Variants in ZNF420 observed in about 807,000 individuals in gnomAD.
The protein encoded by ZNF420 is ATM and p53-associated KZNF protein.
A neutral mutation model predicts 44.7 loss-of-function variants in ZNF420; 31 were observed. The observed-to-expected ratio is 0.69, with a 90% CI of 0.52 to 0.94. ZNF420 has a LOEUF of 0.94. ZNF420 is among the 40% of genes least tolerant of loss of function. The pLI is 0.00. For missense variants in ZNF420, 681 were observed against 827.9 expected, an observed-to-expected ratio of 0.82 and a Z score of 2.18; for synonymous variants, 245 against 267.4, an observed-to-expected ratio of 0.92 and a Z score of 0.82.
intron 1 of ZNF420, among the ~76,000 whole-genome samples, chr19:37,021,039 T>G (rs1293977218): frequency 6.6e-6 from 1 of 152,240 alleles, no homozygotes; most frequent in Non-Finnish European, 1.5e-5. Context: ...CACCAAATTT[T>G]ATGTGTATTT....
chr19:37,071,802 A>AAAC (rs1407972567), intron 1 of ZNF420, among the ~76,000 whole-genome samples: 1 of 113,020 alleles, frequency 8.8e-6, no homozygotes, highest in Non-Finnish European at 1.9e-5. Context: ...CTCCATCTCA[A>AAAC]AAAAATAAAT....
chr19:37,112,816 T>G (rs1012984939), intron 4 of ZNF420, among the ~76,000 whole-genome samples: 6 of 152,218 alleles, frequency 3.9e-5, no homozygotes, highest in Non-Finnish European at 1.5e-5. Flanking sequence ...AGTATGAATT[T>G]GAACTCCCTT....
At chr19:37,022,848 T>TGGGGCAGGGG (rs2074659680) in intron 1 of ZNF420, among the ~76,000 whole-genome samples, 1 of 152,094 alleles carries the variant, frequency 6.6e-6, no homozygotes, top group Non-Finnish European at 1.5e-5. Context: ...TTAAGATATG[T>TGGGGCAGGGG]AGCATGGGGG....
chr19:37,015,700 A>G (rs1030633167), intron 1 of ZNF420, among the ~76,000 whole-genome samples: 2 of 152,058 alleles, frequency 1.3e-5, no homozygotes, highest in African/African-American at 4.8e-5. Context: ...GCTGGTTCCA[A>G]CTCATTCTCC....
chr19:37,056,540 G>A (rs1967757590), intron 1 of ZNF420, among the ~76,000 whole-genome samples: 1 of 152,154 alleles, frequency 6.6e-6, no homozygotes, highest in African/African-American at 2.4e-5. Flanking sequence ...GAGCCCCAGG[G>A]CTTTGGGAAG....
chr19:37,115,830 A>G (rs1465942351), intron 4 of ZNF420, among the ~76,000 whole-genome samples: 1 of 152,084 alleles, frequency 6.6e-6, no homozygotes, highest in African/African-American at 2.4e-5. Context: ...AACCTTGGAC[A>G]ATACCTGGCT....
intron 1 of ZNF420, among the ~76,000 whole-genome samples, chr19:37,019,043 A>G (rs986998322): frequency 1.3e-5 from 2 of 152,230 alleles, no homozygotes; most frequent in South Asian, 4.1e-4. Context: ...AGTAAAAAAG[A>G]AGTGTGAATC....
intron 1 of ZNF420, among the ~76,000 whole-genome samples, chr19:37,066,434 C>T (rs376565931): frequency 7.1e-6 from 1 of 141,220 alleles, no homozygotes; most frequent in Non-Finnish European, 1.5e-5. Context: ...GAGTCTGTCT[C>T]AAAAAAAAAA....
exon 1 of ZNF420, chr19:37,008,071 G>A (rs374112673): frequency 3.8e-6 from 1 of 264,476 alleles, no homozygotes; most frequent in Admixed American, 4.9e-5. Flanking sequence ...GGCCTGCCCG[G>A]ACGGTGTGCG....
intron 4 of ZNF420, among the ~76,000 whole-genome samples, chr19:37,094,608 C>T (rs1322274080): frequency 6.6e-6 from 1 of 152,016 alleles, no homozygotes; most frequent in African/African-American, 2.4e-5. Flanking sequence ...CTATCTCCAC[C>T]CCTAGGATTT....
chr19:37,017,020 A>G (rs573050497), intron 1 of ZNF420, among the ~76,000 whole-genome samples: 5 of 152,304 alleles, frequency 3.3e-5, no homozygotes, highest in African/African-American at 1.2e-4. Flanking sequence ...AATTCTTACT[A>G]TTGTGGGGGG....
At chr19:37,071,496 G>A (rs541045538) in intron 1 of ZNF420, among the ~76,000 whole-genome samples, 2 of 152,282 alleles carry the variant, frequency 1.3e-5, no homozygotes, top group South Asian at 4.1e-4. Context: ...AGTCTTCAAA[G>A]TTAGTAGTTA....
chr19:37,095,702 G>A (rs1047975289), intron 4 of ZNF420, among the ~76,000 whole-genome samples: 5 of 152,006 alleles, frequency 3.3e-5, no homozygotes, highest in Admixed American at 6.6e-5. Flanking sequence ...AGGTTCAAGC[G>A]ATTCTCCTAC....
At chr19:37,007,935 C>T (rs1327009308) in exon 1 of ZNF420, 1 of 160,022 alleles carries the variant, frequency 6.2e-6, no homozygotes, top group Non-Finnish European at 1.4e-5. Flanking sequence ...AGGCTCCGGC[C>T]TCACCTCTCC....
intron 1 of ZNF420, among the ~76,000 whole-genome samples, chr19:37,062,986 C>T (rs773235600): frequency 3.3e-5 from 5 of 152,156 alleles, no homozygotes; most frequent in Admixed American, 6.5e-5. Context: ...GCATGACTGA[C>T]GAAATCCTAT....
At chr19:37,105,924 A>G (rs1294396746) in intron 4 of ZNF420, among the ~76,000 whole-genome samples, 4 of 152,168 alleles carry the variant, frequency 2.6e-5, no homozygotes, top group Non-Finnish European at 5.9e-5. Flanking sequence ...GCTTAAGGAG[A>G]TTTCGGGCAG....
chr19:37,059,903 C>T (rs1455424192), intron 1 of ZNF420, among the ~76,000 whole-genome samples: 1 of 152,014 alleles, frequency 6.6e-6, no homozygotes, highest in African/African-American at 2.4e-5. Context: ...GTTTCTCTCT[C>T]TCCCTCTGTC....
chr19:37,009,717 TG>T, intron 1 of ZNF420, among the ~76,000 whole-genome samples: 1 of 152,174 alleles, frequency 6.6e-6, no homozygotes, highest in Non-Finnish European at 1.5e-5. Context: ...TTCAGGCCCA[TG>T]GGATCTTTCT....
intron 1 of ZNF420, among the ~76,000 whole-genome samples, chr19:37,039,044 C>A (rs934672342): frequency 2.0e-5 from 3 of 152,052 alleles, no homozygotes; most frequent in Non-Finnish European, 4.4e-5. Flanking sequence ...CATCTTCAGG[C>A]TCCACTTGTA....
Sources: allele counts gnomAD v4.1 joint callset (sites outside exome capture counted in the v4.1 genomes callset), GRCh38; gene constraint gnomAD v4.1.1; transcripts MANE v1.5; gene names NCBI Gene and HGNC (gene_info 2026-07-23, HGNC 2026-07-21).